KCNH7: variants seen among roughly 807,000 people sequenced by gnomAD.
KCNH7 encodes potassium voltage-gated channel subfamily H member 7.
KCNH7 carries 49 observed loss-of-function variants against 120.8 expected under a neutral mutation model. The ratio of observed to expected loss-of-function variants is 0.41; its 90% CI spans 0.32 to 0.51. KCNH7 has a LOEUF of 0.51. Ranked by LOEUF, KCNH7 falls within the 20% of genes least tolerant of loss-of-function variation. The pLI, the probability that KCNH7 is intolerant of heterozygous loss-of-function variation, is 0.38. For missense variants in KCNH7, 1,097 were observed against 1,446.6 expected (o/e 0.76, Z 3.92); for synonymous variants, 547 against 516.1 (o/e 1.06, Z -0.81).
chr2:162,812,754 G>T (rs1384993420), intron 2 of KCNH7, among the ~76,000 whole-genome samples: 1 of 152,046 alleles, frequency 6.6e-6, no homozygotes, highest in Non-Finnish European at 1.5e-5. Flanking sequence ...AATAATAAAA[G>T]AATTGAGATT....
chr2:162,729,162 A>ATTTTTTTT (rs1412794660), intron 2 of KCNH7, among the ~76,000 whole-genome samples: 1 of 119,880 alleles, frequency 8.3e-6, no homozygotes, highest in African/African-American at 3.3e-5. Context: ...ATATACCCAA[A>ATTTTTTTT]TTTTTTTTTT....
At chr2:162,548,950 G>A (rs1049295765) in intron 2 of KCNH7, among the ~76,000 whole-genome samples, 2 of 152,152 alleles carry the variant, frequency 1.3e-5, no homozygotes, top group Admixed American at 6.5e-5. Flanking sequence ...GTTATGTACT[G>A]AAAGATAGGG....
At chr2:162,566,766 G>C (rs138286834) in intron 2 of KCNH7, among the ~76,000 whole-genome samples, 36 of 152,078 alleles carry the variant, frequency 2.4e-4, no homozygotes, top group Non-Finnish European at 4.1e-4. Context: ...TAGAGATCAA[G>C]ATTTGTAAAT....
intron 6 of KCNH7, among the ~76,000 whole-genome samples, chr2:162,470,532 G>A (rs1315457642): frequency 6.6e-6 from 1 of 152,148 alleles, no homozygotes; most frequent in Admixed American, 6.5e-5. Flanking sequence ...TCTAGGAAGT[G>A]AGGAGCGTCT....
chr2:162,451,468 A>G (rs933610779), intron 6 of KCNH7, among the ~76,000 whole-genome samples: 1 of 151,990 alleles, frequency 6.6e-6, no homozygotes, highest in African/African-American at 2.4e-5. Flanking sequence ...TAAAGTAGTC[A>G]TTTTGTTACT....
chr2:162,685,864 A>T lies in KCNH7; in HGVS notation c.308-148784T>A, dbSNP rs560571723. Among the ~76,000 whole-genome samples, 4 of 152,104 alleles carry T rather than the reference A, an allele frequency of 2.6e-5. No homozygotes were observed. The South Asian group carries it at 8.3e-4, about 31-fold the overall frequency. ...AGAAAAGTAAATTAAACAGGACATGAAAAAACTCAATTTACCTAAACCTTA... is the reference window on the plus strand; with the variant it reads ...AGAAAAGTAAATTAAACAGGACATGTAAAAACTCAATTTACCTAAACCTTA... On this transcript the variant is annotated intron_variant, in intron 2 of 15. Transcript: ENST00000332142.
At chr2:162,489,299 T>G (rs897220806) in intron 6 of KCNH7, among the ~76,000 whole-genome samples, 11 of 152,180 alleles carry the variant, frequency 7.2e-5, no homozygotes, top group African/African-American at 2.7e-4. Context: ...TTGGCTTCTC[T>G]GGGCCACACT....
At chr2:162,596,089 C>T in intron 2 of KCNH7, among the ~76,000 whole-genome samples, 1 of 151,914 alleles carries the variant, frequency 6.6e-6, no homozygotes, top group East Asian at 1.9e-4. Flanking sequence ...AATTCTGTGT[C>T]CTTTGATTAG....
At chr2:162,673,024 G>A (rs1225525368) in intron 2 of KCNH7, among the ~76,000 whole-genome samples, 1 of 151,890 alleles carries the variant, frequency 6.6e-6, no homozygotes, top group Non-Finnish European at 1.5e-5. Flanking sequence ...AGGAAAAGAC[G>A]ATAATAATTA....
chr2:162,667,743 A>G (rs750848128), intron 2 of KCNH7, among the ~76,000 whole-genome samples: 5 of 151,910 alleles, frequency 3.3e-5, no homozygotes, highest in Admixed American at 6.6e-5. Flanking sequence ...CCACTACATC[A>G]CCTTGCTTTA....
chr2:162,518,483 T>C (rs992369009), intron 3 of KCNH7, among the ~76,000 whole-genome samples: 1 of 151,706 alleles, frequency 6.6e-6, no homozygotes, highest in Non-Finnish European at 1.5e-5. Flanking sequence ...TCTAGGGAAA[T>C]TGAAGGATGA....
chr2:162,535,979 AACTGTAT>A (rs1692091265), intron 3 of KCNH7, among the ~76,000 whole-genome samples: 1 of 151,840 alleles, frequency 6.6e-6, no homozygotes, highest in African/African-American at 2.4e-5. Context: ...AAGATAAATT[AACTGTAT>A]ACTCTGCACT....
At chr2:162,492,278 C>T (rs1040820436) in intron 6 of KCNH7, among the ~76,000 whole-genome samples, 3 of 152,206 alleles carry the variant, frequency 2.0e-5, no homozygotes, top group Non-Finnish European at 4.4e-5. Flanking sequence ...CAGGCTAGAA[C>T]GTGGGCCTAG....
intron 6 of KCNH7, among the ~76,000 whole-genome samples, chr2:162,493,885 A>C (rs1300878770): frequency 1.3e-5 from 2 of 152,182 alleles, no homozygotes; most frequent in African/African-American, 4.8e-5. Flanking sequence ...CAAATGGTGG[A>C]AGATTTGTAA....
chr2:162,377,723 G>A (rs1291196762), intron 14 of KCNH7, among the ~76,000 whole-genome samples: 1 of 152,012 alleles, frequency 6.6e-6, no homozygotes, highest in Non-Finnish European at 1.5e-5. Flanking sequence ...ATTTTTCAGG[G>A]TTTTTCTAAC....
chr2:162,624,908 T>A (rs1282202796), intron 2 of KCNH7, among the ~76,000 whole-genome samples: 1 of 143,504 alleles, frequency 7.0e-6, no homozygotes, highest in Non-Finnish European at 1.5e-5. Flanking sequence ...TTTTTTTTTT[T>A]TTTTTTGAGA....
At chr2:162,594,107 TA>T (rs1359336022) in intron 2 of KCNH7, among the ~76,000 whole-genome samples, 5 of 152,014 alleles carry the variant, frequency 3.3e-5, no homozygotes, top group East Asian at 3.9e-4. Context: ...CCTTCCAAAT[TA>T]AACTTGAAAT....
At chr2:162,779,490 T>C (rs750150165) in intron 2 of KCNH7, among the ~76,000 whole-genome samples, 4 of 152,146 alleles carry the variant, frequency 2.6e-5, no homozygotes, top group African/African-American at 9.7e-5. Context: ...TGAGCCACCA[T>C]GTCCAGCCCT....
intron 2 of KCNH7, among the ~76,000 whole-genome samples, chr2:162,687,595 G>C (rs1685941498): frequency 6.6e-6 from 1 of 151,972 alleles, no homozygotes; most frequent in Non-Finnish European, 1.5e-5. Context: ...CTTGAGATCA[G>C]CTATGTTGGA....
Sources: allele counts gnomAD v4.1 joint callset (sites outside exome capture counted in the v4.1 genomes callset), GRCh38; gene constraint gnomAD v4.1.1; transcripts MANE v1.5; gene names NCBI Gene and HGNC (gene_info 2026-07-23, HGNC 2026-07-21).